Variants in PALD1 observed in about 807,000 individuals in gnomAD.
PALD1 encodes the protein paladin.
A neutral mutation model predicts 96.0 loss-of-function variants in PALD1; 57 were observed. The observed-to-expected ratio is 0.59, with a 90% CI of 0.48 to 0.74. The LOEUF (loss-of-function observed/expected upper bound fraction) is 0.74. Among genes scored for constraint, PALD1 ranks in the 30% least tolerant of loss-of-function variants. PALD1 has a pLI of 0.00. For missense variants in PALD1, 1,063 were observed against 1,143.7 expected (o/e 0.93, Z 1.02); for synonymous variants, 464 against 473.6 (o/e 0.98, Z 0.26).
At chr10:70,564,302 A>G in intron 18 of PALD1, 62 bp from the exon 19 acceptor site, 1 of 1,515,812 alleles carries the variant, frequency 6.6e-7, no homozygotes, top group Non-Finnish European at 8.9e-7. Flanking sequence ...GCAGGGTGGC[A>G]TGTTTGTGTG....
intron 18 of PALD1, among the ~76,000 whole-genome samples, chr10:70,554,915 TCC>T (rs1847563077): frequency 9.1e-5 from 1 of 10,956 alleles, no homozygotes; most frequent in African/African-American, 4.1e-4. Context: ...CCCTCCCCTC[TCC>T]TCCCCTCCCC....
At chr10:70,520,708 T>G (rs75903782) in intron 1 of PALD1, among the ~76,000 whole-genome samples, 1 of 110,442 alleles carries the variant, frequency 9.1e-6, no homozygotes. Flanking sequence ...TTTTTTTTTT[T>G]GCGGTGGAGT....
In PALD1 at chr10:70,562,218, C is replaced by T. The variant is rs550409559; in HGVS notation, c.2263-2146C>T. Among the ~76,000 whole-genome samples the T allele has an allele frequency of 2.0e-5, 3 of 152,344 alleles. No homozygotes were observed. The South Asian group carries it at 6.2e-4, about 32-fold the overall frequency. ...GGGAGTCACAGTGCTGGCTCTGGTC[C>T]CCTCGCCCCTCTTGGGCACAGCCTG... On this transcript the variant is annotated intron_variant, in intron 18 of 19. Transcript: ENST00000263563.
chr10:70,527,860 C>A, intron 2 of PALD1, among the ~76,000 whole-genome samples: 1 of 152,178 alleles, frequency 6.6e-6, no homozygotes, highest in Non-Finnish European at 1.5e-5. Flanking sequence ...ACACATGTGC[C>A]ATGTTGGTGT....
intron 17 of PALD1, among the ~76,000 whole-genome samples, chr10:70,541,963 AT>A (rs1847257885): frequency 6.6e-6 from 1 of 152,188 alleles, no homozygotes; most frequent in South Asian, 2.1e-4. Flanking sequence ...AGCCACAAAC[AT>A]TCCAGATTTA....
At chr10:70,481,751 C>A (rs1157993304) in intron 1 of PALD1, among the ~76,000 whole-genome samples, 1 of 152,232 alleles carries the variant, frequency 6.6e-6, no homozygotes, top group East Asian at 1.9e-4. Flanking sequence ...CCACTGCCCT[C>A]TGGGGCGGGC....
chr10:70,559,165 C>T (rs1847680089), intron 18 of PALD1, among the ~76,000 whole-genome samples: 1 of 152,072 alleles, frequency 6.6e-6, no homozygotes, highest in Non-Finnish European at 1.5e-5. Flanking sequence ...GGTATGAGGG[C>T]TTGCAGTGAG....
At position 70,559,684 on chromosome 10, in the gene PALD1, G is replaced by C. The variant is rs565928218; in HGVS notation, c.2263-4680G>C. On this transcript the variant is annotated intron_variant, in intron 18 of 19. Transcript: ENST00000263563. ...AAGGGCGAAGTGAAGGAGGAGTCCC[G>C]GGTTCTGGCCTGTGTACCTGGGAGG... is the stretch of plus-strand genomic sequence containing the variant. Among the ~76,000 whole-genome samples the C allele has an allele frequency of 6.6e-5, 10 of 152,266 alleles. No homozygotes were observed. In the East Asian group the frequency reaches 1.9e-3, roughly 29 times the overall value.
intron 4 of PALD1, 130 bp from the exon 5 acceptor site, chr10:70,531,160 C>A: frequency 2.8e-6 from 2 of 720,236 alleles, no homozygotes; most frequent in Non-Finnish European, 4.7e-6. Context: ...GGGTAGGATT[C>A]AGGTTGCAGG....
At chr10:70,499,690 C>G (rs1384394065) in intron 1 of PALD1, among the ~76,000 whole-genome samples, 1 of 152,332 alleles carries the variant, frequency 6.6e-6, no homozygotes. Flanking sequence ...TGCTTGCTCC[C>G]CTGCCCGAAG....
chr10:70,517,562 G>C (rs1846645265), intron 1 of PALD1, among the ~76,000 whole-genome samples: 1 of 151,980 alleles, frequency 6.6e-6, no homozygotes, highest in Non-Finnish European at 1.5e-5. Flanking sequence ...GGCTGGTCTT[G>C]AACTCCTGAC....
chr10:70,547,510 G>A (rs1002578879), intron 18 of PALD1, 64 bp downstream of exon 18: 183 of 1,168,924 alleles, frequency 1.6e-4, no homozygotes, highest in Non-Finnish European at 2.1e-4. Flanking sequence ...GCACAGCCAG[G>A]GAGTGGCTGA....
intron 10 of PALD1, among the ~76,000 whole-genome samples, chr10:70,536,140 C>T (rs192005247): frequency 3.2e-4 from 48 of 152,136 alleles, no homozygotes; most frequent in African/African-American, 1.1e-3. Flanking sequence ...TGTGGTGGCA[C>T]GCGTAGTACC....
chr10:70,553,662 C>CA (rs1445328975), intron 18 of PALD1, among the ~76,000 whole-genome samples: 3 of 152,198 alleles, frequency 2.0e-5, no homozygotes, highest in African/African-American at 7.2e-5. Context: ...TGAGCTTGCC[C>CA]AAGAACACAC....
At position 70,539,867 on chromosome 10, in the gene PALD1, C is replaced by T. The variant is rs1031538992; in HGVS notation, c.1908+105C>T. On this transcript the variant is annotated intron_variant, in intron 15 of 19. Transcript: ENST00000263563. This position sits in a 1 kb window ranked among gnomAD's most constrained non-coding sequence, Gnocchi z 4.5. ...GAATGAAACGACCCCAGCTTCTCTA[C>T]GGGGCCCGGGAATGGTCTCACGAGG... is the stretch of plus-strand genomic sequence containing the variant. 21 of 1,008,012 alleles carry T rather than the reference C, an allele frequency of 2.1e-5. No individual in the cohort carries two copies. The highest frequency in any genetic ancestry group is 1.0e-4 in the Admixed American group (4 of 38,514). The allele number at this position is 1,008,012 out of a possible 1,614,324, so 62.4% of individuals were successfully genotyped here.
chr10:70,553,065 GC>G (rs1323503417), intron 18 of PALD1, among the ~76,000 whole-genome samples: 4 of 152,170 alleles, frequency 2.6e-5, no homozygotes, highest in Non-Finnish European at 4.4e-5. Context: ...TACTGGGGGT[GC>G]CGTATGCTGC....
intron 5 of PALD1, among the ~76,000 whole-genome samples, 154 bp from the exon 6 acceptor site, chr10:70,532,467 T>C (rs1483485761): frequency 6.6e-6 from 1 of 152,196 alleles, no homozygotes; most frequent in Non-Finnish European, 1.5e-5. Flanking sequence ...AGGAATGGCA[T>C]AGAGAGCACT....
intron 18 of PALD1, among the ~76,000 whole-genome samples, chr10:70,562,918 C>T (rs574326142): frequency 1.5e-4 from 23 of 152,220 alleles, no homozygotes; most frequent in Middle Eastern, 3.4e-3. Context: ...TAGAAGGGAC[C>T]CTCTTTAAGT....
At chr10:70,524,209 T>G (rs577387073) in intron 1 of PALD1, among the ~76,000 whole-genome samples, 14 of 152,150 alleles carry the variant, frequency 9.2e-5, no homozygotes, top group Non-Finnish European at 2.1e-4. Flanking sequence ...GTCCTGGTGC[T>G]TCTGCAGAGT....
Sources: allele counts gnomAD v4.1 joint callset (sites outside exome capture counted in the v4.1 genomes callset), GRCh38; gene constraint gnomAD v4.1.1; non-coding constraint Gnocchi (gnomAD v3.1); transcripts MANE v1.5; gene names NCBI Gene and HGNC (gene_info 2026-07-23, HGNC 2026-07-21).